CGNL1: variants seen among roughly 807,000 people sequenced by gnomAD.
CGNL1 encodes the protein cingulin like 1, also known as cingulin-like protein 1.
A neutral mutation model predicts 141.2 loss-of-function variants in CGNL1; 132 were observed. The ratio of observed to expected loss-of-function variants is 0.93; its 90% confidence interval spans 0.81 to 1.08. The LOEUF is 1.08. Ranked by LOEUF, CGNL1 falls within the 50% of genes least tolerant of loss-of-function variation. The pLI is 0.00. For synonymous variants in CGNL1, 690 were observed against 622.1 expected, an observed-to-expected ratio of 1.11 and a Z score of -1.63; for missense variants, 1,870 against 1,588.6, an observed-to-expected ratio of 1.18 and a Z score of -3.01.
intron 1 of CGNL1, among the ~76,000 whole-genome samples, chr15:57,411,471 C>G (rs1301433335): frequency 7.4e-5 from 11 of 148,824 alleles, no homozygotes; most frequent in Non-Finnish European, 1.5e-4. Context: ...TGAGACAGAG[C>G]CTTGCTCTGT....
chr15:57,380,942 G>T (rs2062417776), intron 1 of CGNL1, among the ~76,000 whole-genome samples: 2 of 152,212 alleles, frequency 1.3e-5, no homozygotes, highest in Admixed American at 6.5e-5. Flanking sequence ...TTGTATCTAT[G>T]GCTCCTGCCA....
chr15:57,437,220 A>T (rs2063116124), intron 1 of CGNL1, among the ~76,000 whole-genome samples: 1 of 152,186 alleles, frequency 6.6e-6, no homozygotes, highest in South Asian at 2.1e-4. Context: ...CCATCACAAA[A>T]CACAGAGCCC....
chr15:57,491,149 G>A (rs1234252853), intron 8 of CGNL1, among the ~76,000 whole-genome samples: 1 of 152,148 alleles, frequency 6.6e-6, no homozygotes, highest in Non-Finnish European at 1.5e-5. Context: ...AATAGATCAG[G>A]ATTAGTTCAT....
At chr15:57,505,662 C>G (rs1421804692) in intron 8 of CGNL1, among the ~76,000 whole-genome samples, 1 of 152,190 alleles carries the variant, frequency 6.6e-6, no homozygotes, top group Non-Finnish European at 1.5e-5. Context: ...GGCCCAGGCT[C>G]TTGCCTACCG....
At position 57,543,589 on chromosome 15, in the gene CGNL1, C is replaced by G. The variant is rs78039441; in HGVS notation, c.3292-107C>G. On this transcript the variant is annotated intron_variant, in intron 14 of 18. Coordinates refer to ENST00000281282, the MANE Select transcript of CGNL1 (RefSeq NM_032866.5). ...GGCACGAGGGGCTGGGTAGGGCAAC[C>G]CCCTTCATAAAGTGGAGGTTGACAT... The G allele has an allele frequency of 7.4e-4, 712 of 957,544 alleles. 6 individuals are homozygous for G. The East Asian group carries it at 0.016, about 22-fold the overall frequency. 59.3% of individuals were successfully genotyped at this position (957,544 alleles called of 1,614,324 possible).
At chr15:57,408,906 G>A (rs2062753504) in intron 1 of CGNL1, among the ~76,000 whole-genome samples, 1 of 152,066 alleles carries the variant, frequency 6.6e-6, no homozygotes, top group African/African-American at 2.4e-5. Flanking sequence ...GCCAGGCATG[G>A]TGGTGTGCGC....
intron 1 of CGNL1, among the ~76,000 whole-genome samples, chr15:57,412,603 A>T (rs1310685800): frequency 1.3e-5 from 2 of 152,064 alleles, no homozygotes; most frequent in African/African-American, 4.8e-5. Context: ...TGGGGAACTC[A>T]TTGTCTCCTG....
intron 14 of CGNL1, among the ~76,000 whole-genome samples, chr15:57,532,732 T>C (rs375883213): frequency 6.6e-6 from 1 of 152,228 alleles, no homozygotes; most frequent in Non-Finnish European, 1.5e-5. Flanking sequence ...TAGAGCCTAC[T>C]TTCTGTTGCA....
rs2031498327 is a variant in CGNL1 at position 57,524,676 on chromosome 15, A to G, written c.2964A>G (p.Glu988=). 73 of 1,614,104 alleles carry G rather than the reference A, an allele frequency of 4.5e-5. No homozygotes were observed. The highest frequency in any genetic ancestry group is 6.1e-5 in the Non-Finnish European group (72 of 1,180,044). Residue 988 remains glutamate (E), a synonymous_variant, in exon 12 of 19, where the codon GAA becomes GAG. Transcript: ENST00000281282. ...AGAAAAACCGCAGGGAGCTCGCAGAAATGCAAAGACAGTTGAAGGAGAAAA... is the reference window on the plus strand; with the variant it reads ...AGAAAAACCGCAGGGAGCTCGCAGAGATGCAAAGACAGTTGAAGGAGAAAA... The part of the protein sequence containing the change: ...YKEKNRRELA[E]MQRQLKEKTL...
chr15:57,427,956 T>C (rs1449150827), intron 1 of CGNL1, among the ~76,000 whole-genome samples: 1 of 150,128 alleles, frequency 6.7e-6, no homozygotes, highest in African/African-American at 2.5e-5. Context: ...TGGGTATTTG[T>C]TATGGAAAAC....
intron 8 of CGNL1, among the ~76,000 whole-genome samples, chr15:57,497,105 T>C (rs1448779146): frequency 6.6e-6 from 1 of 152,194 alleles, no homozygotes; most frequent in Non-Finnish European, 1.5e-5. Context: ...GGTATGGGGA[T>C]GGCTGGGGAC....
chr15:57,464,670 T>TTTTCCTTGCC (rs2063487709), intron 8 of CGNL1, among the ~76,000 whole-genome samples: 1 of 111,742 alleles, frequency 8.9e-6, no homozygotes, highest in Non-Finnish European at 1.8e-5. Flanking sequence ...CTGCGGTTTC[T>TTTTCCTTGCC]TTTCCTTTCC....
intron 10 of CGNL1, among the ~76,000 whole-genome samples, chr15:57,521,939 GT>G (rs1844442836): frequency 6.6e-6 from 1 of 152,062 alleles, no homozygotes; most frequent in African/African-American, 2.4e-5. Context: ...ACAGATTGAC[GT>G]TTTTTGGGAC....
chr15:57,430,988 C>G (rs984117798), intron 1 of CGNL1, among the ~76,000 whole-genome samples: 42 of 152,196 alleles, frequency 2.8e-4, no homozygotes, highest in African/African-American at 1.0e-3. Context: ...TCCCAAAGTG[C>G]TGGGATTACA....
chr15:57,462,839 C>A (rs955447312), intron 8 of CGNL1, among the ~76,000 whole-genome samples: 1 of 152,006 alleles, frequency 6.6e-6, no homozygotes, highest in Non-Finnish European at 1.5e-5. Context: ...ACTTGGAGAC[C>A]GTTTTTAAAA....
At chr15:57,461,643 C>T in intron 7 of CGNL1, 37 bp from the exon 8 acceptor site, 1 of 1,571,626 alleles carries the variant, frequency 6.4e-7, no homozygotes, top group Non-Finnish European at 8.8e-7. Context: ...CAAGATGTTT[C>T]ATTGTCACCT....
At position 57,438,368 on chromosome 15, in the gene CGNL1, T is replaced by A; in HGVS notation, c.369T>A (p.His123Gln). 6.2e-7 allele frequency: 1 copy of A among 1,614,124 alleles called. No homozygotes were observed. The highest frequency in any genetic ancestry group is 8.5e-7 in the Non-Finnish European group (1 of 1,180,018). The change falls in exon 2 of 19, where the codon CAT becomes CAA. Residue 123 changes from histidine (H) to glutamine (Q), a missense_variant. Transcript: ENST00000281282. ...PIRNLKQPLLHEGKNGVLDRK... is the reference protein window; with the variant it reads ...PIRNLKQPLLQEGKNGVLDRK... Reference sequence around the variant, plus strand: ...GAAACCTGAAACAGCCCCTGCTCCATGAGGGCAAGAATGGAGTTCTAGATC... The same window carrying A: ...GAAACCTGAAACAGCCCCTGCTCCAAGAGGGCAAGAATGGAGTTCTAGATC...
chr15:57,388,270 A>G (rs1207051438), intron 1 of CGNL1, among the ~76,000 whole-genome samples: 2 of 151,580 alleles, frequency 1.3e-5, no homozygotes, highest in Non-Finnish European at 2.9e-5. Flanking sequence ...CTTTAGCTTC[A>G]GGGAAAACTC....
rs61564944 is a variant in CGNL1 at position 57,442,182 on chromosome 15, G to GAAAAAAAAAAAA, written c.1698-181_1698-170dup. Among the ~76,000 whole-genome samples, 232 of 96,490 alleles carry GAAAAAAAAAAAA rather than the reference G, an allele frequency of 2.4e-3. 16 individuals are homozygous for GAAAAAAAAAAAA. The highest frequency in any genetic ancestry group is 3.3e-3 in the Admixed American group (27 of 8,186). The allele number at this position is 96,490 out of a possible 152,430, so 63.3% of individuals were successfully genotyped here. On this transcript the variant is annotated intron_variant, in intron 3 of 18. Coordinates refer to ENST00000281282, the MANE Select transcript of CGNL1 (RefSeq NM_032866.5). ...TTGAGTGGTAACACATCATTTATTT[G>GAAAAAAAAAAAA]AAAAAAAAAAAAAAAAAAAAAGACA...
Sources: gnomAD v4.1 joint callset for allele counts (sites outside exome capture counted in the v4.1 genomes callset) on GRCh38, gnomAD v4.1.1 for gene constraint, MANE v1.5 for transcripts, NCBI Gene and HGNC (gene_info 2026-07-23, HGNC 2026-07-21) for gene names.